ZFHX3: variants seen among roughly 807,000 people sequenced by gnomAD.
ZFHX3 encodes the protein zinc finger homeobox protein 3.
ZFHX3 carries 42 observed loss-of-function variants against 279.1 expected under a neutral mutation model. The observed-to-expected ratio is 0.15, with a 90% CI of 0.12 to 0.19. The LOEUF is 0.19. Among genes scored for constraint, ZFHX3 ranks in the 10% least tolerant of loss-of-function variants. ZFHX3 has a pLI of 1.00. For synonymous variants in ZFHX3, 2,293 were observed against 1,957.8 expected (o/e 1.17, Z -4.52); for missense variants, 4,981 against 4,754.0 (o/e 1.05, Z -1.40).
At chr16:72,965,462 G>A (rs1375984465) in intron 1 of ZFHX3, among the ~76,000 whole-genome samples, 2 of 152,160 alleles carry the variant, frequency 1.3e-5, no homozygotes, top group African/African-American at 4.8e-5. Flanking sequence ...CTGAAATGTA[G>A]GTCCAATATC....
intron 3 of ZFHX3, among the ~76,000 whole-genome samples, chr16:73,453,562 G>A (rs2018317040): frequency 6.6e-6 from 1 of 152,146 alleles, no homozygotes; most frequent in Non-Finnish European, 1.5e-5. Flanking sequence ...AACCATCCTG[G>A]CCCAGGAGCC....
rs747549359 is a variant in ZFHX3 at position 72,796,487 on chromosome 16, G to C, written c.6195C>G (p.Pro2065=). ...PPQPASTPAI[P]ASAPPITSPT... ...GTGAGGTGATGGGTGGGGCTGATGCGGGGATGGCTGGTGTGGACGCCGGCT... is the reference window on the plus strand; with the variant it reads ...GTGAGGTGATGGGTGGGGCTGATGCCGGGATGGCTGGTGTGGACGCCGGCT... Residue 2065 remains proline, a synonymous_variant, in exon 9 of 10, where the codon CCC becomes CCG. Coordinates refer to ENST00000268489, the MANE Select transcript of ZFHX3 (RefSeq NM_006885.4). 5.0e-6 allele frequency: 8 copies of C among 1,608,470 alleles called. No homozygotes were observed. The highest frequency in any genetic ancestry group is 5.9e-6 in the Non-Finnish European group (7 of 1,179,690).
At chr16:73,283,227 G>C (rs1053022134) in intron 4 of ZFHX3, among the ~76,000 whole-genome samples, 1 of 152,152 alleles carries the variant, frequency 6.6e-6, no homozygotes, top group African/African-American at 2.4e-5. Context: ...TACATTTACC[G>C]ATGTTATTCT....
chr16:73,789,458 G>A (rs1229206103), intron 1 of ZFHX3, among the ~76,000 whole-genome samples: 2 of 152,136 alleles, frequency 1.3e-5, no homozygotes, highest in Non-Finnish European at 2.9e-5. Flanking sequence ...GGGATTACAG[G>A]CGTGAGCCAC....
At chr16:73,526,534 A>C (rs1339937823) in intron 2 of ZFHX3, among the ~76,000 whole-genome samples, 1 of 152,332 alleles carries the variant, frequency 6.6e-6, no homozygotes, top group South Asian at 2.1e-4. Context: ...TTTCATATTC[A>C]AAATGACCCA....
At chr16:73,112,189 G>T (rs184724717) in intron 7 of ZFHX3, among the ~76,000 whole-genome samples, 1 of 151,840 alleles carries the variant, frequency 6.6e-6, no homozygotes, top group East Asian at 1.9e-4. Context: ...TCTCAAGAGG[G>T]ATAAGAAGGA....
intron 1 of ZFHX3, among the ~76,000 whole-genome samples, chr16:73,046,225 C>A (rs1031955805): frequency 3.3e-5 from 5 of 152,140 alleles, no homozygotes; most frequent in Admixed American, 2.6e-4. Flanking sequence ...TTCTTGAAAC[C>A]CTTCAATTAT....
chr16:73,093,268 C>T (rs187857923), exon 8 of ZFHX3: 38 of 497,768 alleles, frequency 7.6e-5, no homozygotes, highest in Non-Finnish European at 1.4e-4. Context: ...TCAAAGGCCA[C>T]GTGCCACCCT....
chr16:72,906,582 A>G (rs915764725), intron 3 of ZFHX3, among the ~76,000 whole-genome samples: 9 of 152,118 alleles, frequency 5.9e-5, no homozygotes, highest in African/African-American at 2.2e-4. Flanking sequence ...GGATCACCTG[A>G]GGTCAGGAGT....
chr16:72,826,813 T>C (rs1261904928), intron 5 of ZFHX3, among the ~76,000 whole-genome samples: 3 of 152,236 alleles, frequency 2.0e-5, no homozygotes, highest in Non-Finnish European at 4.4e-5. Flanking sequence ...GGTGCTTGAA[T>C]GAATGCATGA....
At chr16:73,158,801 CAA>C (rs1476610658) in intron 5 of ZFHX3, among the ~76,000 whole-genome samples, 1 of 152,122 alleles carries the variant, frequency 6.6e-6, no homozygotes, top group African/African-American at 2.4e-5. Context: ...TGATCTTTGG[CAA>C]AGCTGACAAA....
intron 4 of ZFHX3, among the ~76,000 whole-genome samples, chr16:73,303,071 C>G (rs1488212614): frequency 6.6e-6 from 1 of 151,784 alleles, no homozygotes; most frequent in Non-Finnish European, 1.5e-5. Context: ...CTCTGTTGCC[C>G]AGCCTGGAGT....
intron 1 of ZFHX3, among the ~76,000 whole-genome samples, chr16:73,833,073 T>G (rs1961041899): frequency 6.6e-6 from 1 of 152,218 alleles, no homozygotes; most frequent in Non-Finnish European, 1.5e-5. Context: ...TACATAGGCT[T>G]CTAGCAATTA....
In ZFHX3 at chr16:72,928,780, G is replaced by A. The variant is rs79388664; in HGVS notation, c.3216+21689C>T. Among the ~76,000 whole-genome samples the A allele has an allele frequency of 9.9e-3, 1,515 of 152,292 alleles. 41 individuals carry two copies. The highest frequency in any genetic ancestry group is 0.037 in the East Asian group (190 of 5,182). Reference sequence around the variant, plus strand: ...GTTCAAGACCAACCTGGGCAACACAGCAAGACCCCATCTCTACCATAAAAT... The same window carrying A: ...GTTCAAGACCAACCTGGGCAACACAACAAGACCCCATCTCTACCATAAAAT... On this transcript the variant is annotated intron_variant, in intron 3 of 9. Transcript: ENST00000268489.
At position 73,628,541 on chromosome 16, in the gene ZFHX3, C is replaced by G. The variant is rs529077151; in HGVS notation, c.-1547+51639G>C. Among the ~76,000 whole-genome samples the G allele has an allele frequency of 5.9e-5, 9 of 152,292 alleles. No homozygotes were observed. In the South Asian group the frequency reaches 6.2e-4, roughly 11 times the overall value. ...TTGAATTTTCTCAAATTGAAATTATCTTGCACTCCTTTTACTACCACGCTC... is the reference window on the plus strand; with the variant it reads ...TTGAATTTTCTCAAATTGAAATTATGTTGCACTCCTTTTACTACCACGCTC... On this transcript the variant is annotated intron_variant, in intron 2 of 17. Coordinates refer to the ZFHX3 transcript ENST00000641206.
intron 1 of ZFHX3, among the ~76,000 whole-genome samples, chr16:73,693,997 A>G (rs1405510028): frequency 1.3e-5 from 2 of 150,070 alleles, no homozygotes; most frequent in East Asian, 4.1e-4. Flanking sequence ...TGACTCAAAT[A>G]AACATGATGG....
At chr16:72,870,535 C>G (rs1281486987) in intron 4 of ZFHX3, among the ~76,000 whole-genome samples, 1 of 152,002 alleles carries the variant, frequency 6.6e-6, no homozygotes, top group Non-Finnish European at 1.5e-5. Flanking sequence ...CAGTAAAACC[C>G]TGCCTCTACT....
chr16:73,245,027 C>T (rs556639647), intron 5 of ZFHX3, among the ~76,000 whole-genome samples: 2 of 152,158 alleles, frequency 1.3e-5, no homozygotes, highest in Non-Finnish European at 2.9e-5. Context: ...ACCAGAGAAA[C>T]TGGTGATCTC....
intron 3 of ZFHX3, among the ~76,000 whole-genome samples, chr16:72,939,244 A>AC (rs1960291147): frequency 6.6e-6 from 1 of 151,744 alleles, no homozygotes; most frequent in African/African-American, 2.4e-5. Context: ...GATCTCCCCC[A>AC]CCCCCATCTC....
Sources: gnomAD v4.1 joint callset for allele counts (sites outside exome capture counted in the v4.1 genomes callset) on GRCh38, gnomAD v4.1.1 for gene constraint, MANE v1.5 for transcripts, NCBI Gene and HGNC (gene_info 2026-07-23, HGNC 2026-07-21) for gene names.